Variants in GPC5 observed in about 807,000 individuals in gnomAD.
GPC5 encodes glypican-5.
GPC5 carries 47 observed loss-of-function variants against 53.9 expected under a neutral mutation model. The observed-to-expected ratio is 0.87, with a 90% CI of 0.69 to 1.11. GPC5 has a LOEUF of 1.11. Among genes scored for constraint, GPC5 ranks in the 50% most tolerant of loss-of-function variants. The pLI is 0.00. For synonymous variants in GPC5, 286 were observed against 263.3 expected (o/e 1.09, Z -0.84); for missense variants, 748 against 713.1 (o/e 1.05, Z -0.56).
chr13:92,036,182 G>A (rs1433606806), intron 6 of GPC5, among the ~76,000 whole-genome samples: 2 of 152,052 alleles, frequency 1.3e-5, no homozygotes, highest in South Asian at 2.1e-4. Context: ...TTTTCTCATC[G>A]CTGATTGCTT....
chr13:91,500,235 T>A (rs1474961401), intron 2 of GPC5, among the ~76,000 whole-genome samples: 1 of 152,226 alleles, frequency 6.6e-6, no homozygotes. Context: ...TTCACTACCA[T>A]GTCTTTAGAA....
At chr13:91,556,522 G>A (rs1000643570) in intron 2 of GPC5, among the ~76,000 whole-genome samples, 2 of 147,510 alleles carry the variant, frequency 1.4e-5, no homozygotes, top group Non-Finnish European at 3.0e-5. Flanking sequence ...TGCAGTATGT[G>A]TATATATATA....
chr13:91,515,207 G>A (rs1885431866), intron 2 of GPC5, among the ~76,000 whole-genome samples: 1 of 152,094 alleles, frequency 6.6e-6, no homozygotes, highest in Admixed American at 6.5e-5. Flanking sequence ...TATTTTACCA[G>A]ATATCAACTT....
chr13:92,209,764 G>A (rs2042361884), intron 7 of GPC5, among the ~76,000 whole-genome samples: 1 of 151,988 alleles, frequency 6.6e-6, no homozygotes, highest in African/African-American at 2.4e-5. Context: ...AGTGTATTAG[G>A]GTTCTCTAGA....
chr13:91,994,424 C>T (rs770351650), intron 6 of GPC5: 9 of 152,136 alleles, frequency 5.9e-5, no homozygotes, highest in Non-Finnish European at 8.8e-5. Context: ...ATTCAAAACC[C>T]AGCAAATCTT....
chr13:91,963,492 C>T (rs1245914199), intron 6 of GPC5, among the ~76,000 whole-genome samples: 1 of 152,096 alleles, frequency 6.6e-6, no homozygotes, highest in Non-Finnish European at 1.5e-5. Flanking sequence ...AAAATGGAAA[C>T]ATTTGTTTTG....
intron 7 of GPC5, among the ~76,000 whole-genome samples, chr13:92,385,622 T>C (rs1874645799): frequency 7.1e-6 from 1 of 140,678 alleles, no homozygotes; most frequent in Non-Finnish European, 1.5e-5. Flanking sequence ...TACATATACA[T>C]ACACATATAT....
At chr13:92,586,466 A>G (rs1883540555) in intron 7 of GPC5, among the ~76,000 whole-genome samples, 1 of 152,240 alleles carries the variant, frequency 6.6e-6, no homozygotes, top group Non-Finnish European at 1.5e-5. Flanking sequence ...GAAGCCTAGC[A>G]TGTGAAGTTG....
At chr13:92,634,741 T>A (rs1489922806) in intron 7 of GPC5, among the ~76,000 whole-genome samples, 4 of 152,042 alleles carry the variant, frequency 2.6e-5, no homozygotes, top group Non-Finnish European at 4.4e-5. Context: ...TCTCATTGCC[T>A]CTTTGCCCCT....
rs71272284 is a variant in GPC5, at chr13:92,692,754, AT to A, written c.1562-173506del. On this transcript the variant is annotated intron_variant, in intron 7 of 7. Transcript: ENST00000377067. ...CTCCAAAGCCTCACCAATATCGGCTATTTTTTTTTTTTTTTTTTTTTTACAT... is the reference window on the plus strand; with the variant it reads ...CTCCAAAGCCTCACCAATATCGGCTATTTTTTTTTTTTTTTTTTTTTACAT... Among the ~76,000 whole-genome samples, 224 of 81,030 alleles carry A rather than the reference AT, an allele frequency of 2.8e-3. 11 individuals are homozygous for A. In the East Asian group the frequency reaches 0.046, roughly 17 times the overall value. 53.2% of individuals were successfully genotyped at this position (81,030 alleles called of 152,430 possible).
intron 7 of GPC5, among the ~76,000 whole-genome samples, chr13:92,408,081 A>G (rs572566008): frequency 1.3e-3 from 204 of 152,302 alleles, no homozygotes; most frequent in African/African-American, 4.5e-3. Context: ...GCCAGCCAGC[A>G]TTACCACCAC....
At chr13:92,600,515 A>T (rs1884013893) in intron 7 of GPC5, among the ~76,000 whole-genome samples, 1 of 151,156 alleles carries the variant, frequency 6.6e-6, no homozygotes, top group African/African-American at 2.4e-5. Context: ...TTTATTCTTT[A>T]AGACGGAATT....
chr13:91,481,699 G>C lies in GPC5; in HGVS notation c.325+32777G>C, dbSNP rs1162648073. Reference sequence around the variant, plus strand: ...GCTGCTGGGTAACCTGGGCTCTACAGCTAAAGTGATCTCATAGCACCTAGT... The same window carrying C: ...GCTGCTGGGTAACCTGGGCTCTACACCTAAAGTGATCTCATAGCACCTAGT... On this transcript the variant is annotated intron_variant, in intron 2 of 7. Coordinates refer to ENST00000377067, the MANE Select transcript of GPC5 (RefSeq NM_004466.6). Among the ~76,000 whole-genome samples the C allele has an allele frequency of 3.3e-5, 5 of 152,178 alleles. No homozygotes were observed. The East Asian group carries it at 9.6e-4, about 29-fold the overall frequency.
At chr13:91,485,189 T>C (rs906106113) in intron 2 of GPC5, among the ~76,000 whole-genome samples, 1 of 151,606 alleles carries the variant, frequency 6.6e-6, no homozygotes, top group Non-Finnish European at 1.5e-5. Context: ...TATGTTTGTT[T>C]CTGTACCATC....
intron 2 of GPC5, among the ~76,000 whole-genome samples, chr13:91,573,995 T>C (rs1239412097): frequency 6.6e-6 from 1 of 152,186 alleles, no homozygotes; most frequent in Admixed American, 6.6e-5. Flanking sequence ...CTCTAGTAAA[T>C]AGTTAAGAGA....
chr13:92,856,038 C>T (rs955446235), intron 7 of GPC5, among the ~76,000 whole-genome samples: 1 of 151,940 alleles, frequency 6.6e-6, no homozygotes, highest in Admixed American at 6.6e-5. Context: ...ATACCAAAAC[C>T]TGGCAAAAAC....
intron 7 of GPC5, among the ~76,000 whole-genome samples, chr13:92,618,516 A>G (rs975794512): frequency 1.2e-4 from 18 of 151,988 alleles, no homozygotes; most frequent in African/African-American, 3.1e-4. Context: ...AAGATACACC[A>G]TGGGTAAGGA....
intron 7 of GPC5, among the ~76,000 whole-genome samples, chr13:92,385,660 T>C (rs1208354310): frequency 2.1e-5 from 3 of 141,678 alleles, no homozygotes; most frequent in African/African-American, 5.2e-5. Flanking sequence ...CACATATATA[T>C]ATACATATAT....
intron 7 of GPC5, among the ~76,000 whole-genome samples, chr13:92,197,131 A>C (rs1406059168): frequency 1.3e-5 from 2 of 152,120 alleles, no homozygotes; most frequent in Admixed American, 6.5e-5. Context: ...CCTCCCTTTT[A>C]AAGGGTATTC....
Sources: gnomAD v4.1 joint callset for allele counts (sites outside exome capture counted in the v4.1 genomes callset) on GRCh38, gnomAD v4.1.1 for gene constraint, MANE v1.5 for transcripts, NCBI Gene and HGNC (gene_info 2026-07-23, HGNC 2026-07-21) for gene names.